Variants in REC114 observed in about 807,000 individuals in gnomAD.
REC114 encodes the protein meiotic recombination protein REC114.
A neutral mutation model predicts 31.3 loss-of-function variants in REC114; 27 were observed. The observed-to-expected ratio is 0.86, with a 90% confidence interval of 0.64 to 1.19. The LOEUF (loss-of-function observed/expected upper bound fraction) is 1.19. Among genes scored for constraint, REC114 ranks in the 50% most tolerant of loss-of-function variants. The probability of loss-of-function intolerance (pLI) is 0.00; values close to 1 mark genes in which losing one functional copy is unlikely to be tolerated. For synonymous variants in REC114, 134 were observed against 127.7 expected (o/e 1.05, Z -0.33); for missense variants, 344 against 326.9 (o/e 1.05, Z -0.40).
chr15:73,529,547 G>C (rs1894048957), intron 2 of REC114, among the ~76,000 whole-genome samples: 1 of 152,118 alleles, frequency 6.6e-6, no homozygotes, highest in African/African-American at 2.4e-5. Flanking sequence ...AGTAAAATAA[G>C]ATTGGCCATG....
At chr15:73,483,262 G>T in intron 2 of REC114, 2 of 151,214 alleles carry the variant, frequency 1.3e-5, no homozygotes, top group South Asian at 3.6e-4. Flanking sequence ...GTCATGTTTT[G>T]AGCTGCCGCT....
At chr15:73,492,700 A>G (rs1308322526) in intron 2 of REC114, among the ~76,000 whole-genome samples, 5 of 152,244 alleles carry the variant, frequency 3.3e-5, no homozygotes, top group Admixed American at 1.3e-4. Flanking sequence ...GTCATAGAGT[A>G]TGCTTTGGTA....
At chr15:73,541,925 G>T (rs1894243515) in intron 3 of REC114, among the ~76,000 whole-genome samples, 1 of 152,088 alleles carries the variant, frequency 6.6e-6, no homozygotes, top group African/African-American at 2.4e-5. Flanking sequence ...TTAATATTCT[G>T]AAGGTTTTAC....
intron 2 of REC114, among the ~76,000 whole-genome samples, chr15:73,518,623 G>A (rs1893894760): frequency 6.6e-6 from 1 of 152,244 alleles, no homozygotes. Flanking sequence ...TGGGCCAGGT[G>A]AAAAGTAGCC....
At chr15:73,528,951 T>A (rs1202159638) in intron 2 of REC114, among the ~76,000 whole-genome samples, 1 of 152,144 alleles carries the variant, frequency 6.6e-6, no homozygotes, top group Non-Finnish European at 1.5e-5. Flanking sequence ...TATCACAATA[T>A]GTGGACCTTA....
At chr15:73,550,211 T>C (rs75220033) in intron 3 of REC114, among the ~76,000 whole-genome samples, 10,904 of 152,312 alleles carry the variant, frequency 0.072, 489 homozygotes, top group African/African-American at 0.12. Flanking sequence ...TTTTATGTTA[T>C]TGTTATAATC....
At chr15:73,558,011 G>T (rs936084732) in intron 5 of REC114, among the ~76,000 whole-genome samples, 2 of 152,130 alleles carry the variant, frequency 1.3e-5, no homozygotes, top group Non-Finnish European at 2.9e-5. Flanking sequence ...ATTAAGTGAG[G>T]TATAACCACA....
chr15:73,551,494 A>G (rs933223645), intron 4 of REC114, among the ~76,000 whole-genome samples: 10 of 151,670 alleles, frequency 6.6e-5, no homozygotes, highest in Non-Finnish European at 1.2e-4. Context: ...CACTGTGTCA[A>G]CATTTGAATT....
chr15:73,483,076 G>C (rs997399087), intron 2 of REC114: 2 of 151,998 alleles, frequency 1.3e-5, no homozygotes, highest in Admixed American at 6.6e-5. Context: ...TTATGGTTTT[G>C]ATTTGTGTTT....
At chr15:73,467,589 G>A (rs534952254) in intron 1 of REC114, among the ~76,000 whole-genome samples, 1 of 152,218 alleles carries the variant, frequency 6.6e-6, no homozygotes, top group African/African-American at 2.4e-5. Context: ...ATTATAAGAG[G>A]GATCAGTACA....
intron 1 of REC114, among the ~76,000 whole-genome samples, chr15:73,466,245 G>GT (rs931987195): frequency 1.3e-5 from 2 of 151,356 alleles, no homozygotes; most frequent in East Asian, 2.0e-4. Flanking sequence ...AATAAGTGAA[G>GT]TTTTTTTAAG....
chr15:73,466,195 G>A (rs1893055958), intron 1 of REC114, among the ~76,000 whole-genome samples: 1 of 152,042 alleles, frequency 6.6e-6, no homozygotes, highest in Non-Finnish European at 1.5e-5. Context: ...CTTGGATTCT[G>A]CAGTTACAGA....
chr15:73,514,149 C>T (rs1177526926), intron 2 of REC114, among the ~76,000 whole-genome samples: 29 of 151,458 alleles, frequency 1.9e-4, no homozygotes, highest in Non-Finnish European at 1.8e-4. Context: ...TCTCGTGGTG[C>T]GCCGTTTTTT....
intron 3 of REC114, 30 bp downstream of exon 3, chr15:73,540,598 CTCA>C: frequency 6.4e-7 from 1 of 1,570,716 alleles, no homozygotes; most frequent in Non-Finnish European, 8.8e-7. Context: ...TCACACTCTT[CTCA>C]TCTTCTATGT....
intron 2 of REC114, among the ~76,000 whole-genome samples, chr15:73,488,394 A>G (rs1893401434): frequency 6.6e-6 from 1 of 152,130 alleles, no homozygotes; most frequent in Non-Finnish European, 1.5e-5. Flanking sequence ...GAATTTTCCA[A>G]ATCTTTATGT....
rs796807957 is a variant in REC114 at position 73,510,926 on chromosome 15, C to T, written c.250-29559C>T. Among the ~76,000 whole-genome samples the T allele has an allele frequency of 2.2e-3, 333 of 152,150 alleles. 1 individual carries two copies. The highest frequency in any genetic ancestry group is 0.014 in the Middle Eastern group (4 of 294). On this transcript the variant is annotated intron_variant, in intron 2 of 5. Coordinates refer to ENST00000331090, the MANE Select transcript of REC114 (RefSeq NM_001042367.2). The stretch of plus-strand genomic sequence containing the variant: ...TCTCTTTTTTGGTTGTGTCTCTGCC[C>T]GGCTTTGGTATCAGGATGATGCTGG...
At chr15:73,558,703 A>T (rs1894514753) in intron 5 of REC114, among the ~76,000 whole-genome samples, 1 of 152,218 alleles carries the variant, frequency 6.6e-6, no homozygotes, top group Non-Finnish European at 1.5e-5. Context: ...TCTCATCTAC[A>T]CTGCTAGTGG....
At chr15:73,485,896 T>C (rs1387665442) in intron 2 of REC114, among the ~76,000 whole-genome samples, 2 of 152,230 alleles carry the variant, frequency 1.3e-5, no homozygotes, top group African/African-American at 4.8e-5. Flanking sequence ...AAAACCACTG[T>C]GATCAATTTA....
intron 2 of REC114, among the ~76,000 whole-genome samples, chr15:73,487,770 G>A (rs1893390654): frequency 6.6e-6 from 1 of 152,220 alleles, no homozygotes; most frequent in South Asian, 2.1e-4. Flanking sequence ...GGCCTCACTA[G>A]ACATTGCCCT....
Sources: allele counts gnomAD v4.1 joint callset (sites outside exome capture counted in the v4.1 genomes callset), GRCh38; gene constraint gnomAD v4.1.1; transcripts MANE v1.5; gene names NCBI Gene and HGNC (gene_info 2026-07-23, HGNC 2026-07-21).